The following IFNGR1 variants were observed in gnomAD, a reference collection of about 807,000 sequenced individuals.
The protein encoded by IFNGR1 is AVP, type 2.
In IFNGR1, 23 loss-of-function variants were observed where a neutral mutation model predicts 35.4. The ratio of observed to expected loss-of-function variants is 0.65; its 90% CI spans 0.47 to 0.92. The LOEUF is 0.92. Among genes scored for constraint, IFNGR1 ranks in the 40% least tolerant of loss-of-function variants. IFNGR1 has a pLI of 0.00. For missense variants in IFNGR1, 533 were observed against 583.4 expected (o/e 0.91, Z 0.89); for synonymous variants, 199 against 209.5 (o/e 0.95, Z 0.43).
chr6:137,199,333 TATATA>T (rs929407556), intron 6 of IFNGR1, among the ~76,000 whole-genome samples: 5 of 129,332 alleles, frequency 3.9e-5, no homozygotes, highest in African/African-American at 9.1e-5. Flanking sequence ...TAATTTATAA[TATATA>T]ATATATAATT....
chr6:137,212,471 T>C (rs754292266), intron 1 of IFNGR1, among the ~76,000 whole-genome samples: 1 of 152,204 alleles, frequency 6.6e-6, no homozygotes, highest in Non-Finnish European at 1.5e-5. Flanking sequence ...TTGGTCAGGC[T>C]GGTCTCAAAC....
intron 1 of IFNGR1, among the ~76,000 whole-genome samples, chr6:137,207,376 T>G (rs1779462842): frequency 6.6e-6 from 1 of 152,204 alleles, no homozygotes; most frequent in South Asian, 2.1e-4. Context: ...TATAATCAAA[T>G]GCACTGATTA....
chr6:137,217,072 G>A (rs1779718372), intron 1 of IFNGR1, among the ~76,000 whole-genome samples: 1 of 152,178 alleles, frequency 6.6e-6, no homozygotes, highest in East Asian at 1.9e-4. Context: ...TTGCTTTAAC[G>A]CTATGCCTGC....
At position 137,199,430 on chromosome 6, in the gene IFNGR1, T is replaced by C. The variant is rs188998960; in HGVS notation, c.862-791A>G. On this transcript the variant is annotated intron_variant, in intron 6 of 6. Transcript: ENST00000367739. ...TATAATATATTATATAAACATATAA[T>C]TTATAATATAATATATAAAATATAT... Among the ~76,000 whole-genome samples, 1,589 of 112,824 alleles carry C rather than the reference T, an allele frequency of 0.014. 188 individuals carry two copies. In the South Asian group the frequency reaches 0.26, roughly 18 times the overall value. 74.0% of individuals were successfully genotyped at this position (112,824 alleles called of 152,430 possible).
At chr6:137,213,878 C>T (rs540457187) in intron 1 of IFNGR1, among the ~76,000 whole-genome samples, 3 of 152,216 alleles carry the variant, frequency 2.0e-5, no homozygotes, top group South Asian at 2.1e-4. Flanking sequence ...AAGGACAGCC[C>T]GAGGAGTTCA....
chr6:137,211,531 G>A (rs930005941), intron 1 of IFNGR1, among the ~76,000 whole-genome samples: 1 of 152,198 alleles, frequency 6.6e-6, no homozygotes, highest in Admixed American at 6.5e-5. Flanking sequence ...CAGACACCTA[G>A]GTTTTCTCCT....
At position 137,218,336 on chromosome 6, in the gene IFNGR1, T is replaced by C. The variant is rs1188641776; in HGVS notation, c.85+907A>G. The C allele has an allele frequency of 1.3e-5, 6 of 459,712 alleles. No homozygotes were observed. The East Asian group carries it at 3.5e-4, about 27-fold the overall frequency. 28.5% of individuals were successfully genotyped at this position (459,712 alleles called of 1,614,324 possible). A position where few individuals can be genotyped will look rare whatever the true frequency, so the allele number is the denominator to read the frequency against. On this transcript the variant is annotated intron_variant, in intron 1 of 6. Coordinates refer to ENST00000367739, the MANE Select transcript of IFNGR1 (RefSeq NM_000416.3). Reference sequence around the variant, plus strand: ...TTACTGTTTTCTCTGGAGCTCGTAATCACAATTACTCTGCACTTCAGAAAA... The same window carrying C: ...TTACTGTTTTCTCTGGAGCTCGTAACCACAATTACTCTGCACTTCAGAAAA...
rs201031483 is a variant in IFNGR1, at chr6:137,197,844, G to T, written c.*187C>A. The stretch of plus-strand genomic sequence containing the variant: ...TTTTTTTGTTTAAAAAAAAAAAAAA[G>T]TCTGTACTTTACAAGCCAAAAGTGA... On this transcript the variant is annotated 3_prime_UTR_variant, in exon 7 of 7. Coordinates refer to ENST00000367739, the MANE Select transcript of IFNGR1 (RefSeq NM_000416.3). The T allele has an allele frequency of 9.8e-6, 6 of 611,412 alleles. No homozygotes were observed. The highest frequency in any genetic ancestry group is 3.2e-5 in the East Asian group (1 of 30,820). 37.9% of individuals were successfully genotyped at this position (611,412 alleles called of 1,614,324 possible). A position where few individuals can be genotyped will look rare whatever the true frequency, so the allele number is the denominator to read the frequency against.
At chr6:137,205,043 A>G (rs1779398068) in intron 3 of IFNGR1, among the ~76,000 whole-genome samples, 1 of 152,198 alleles carries the variant, frequency 6.6e-6, no homozygotes, top group Non-Finnish European at 1.5e-5. Context: ...ACTGTGTGCC[A>G]GGCAGGTCTG....
At chr6:137,208,269 C>G (rs1299169115) in intron 1 of IFNGR1, among the ~76,000 whole-genome samples, 2 of 152,154 alleles carry the variant, frequency 1.3e-5, no homozygotes, top group Non-Finnish European at 2.9e-5. Context: ...AAATTTGCAG[C>G]CTGACTATGA....
chr6:137,216,210 G>C (rs568443407), intron 1 of IFNGR1, among the ~76,000 whole-genome samples: 7 of 152,314 alleles, frequency 4.6e-5, no homozygotes, highest in African/African-American at 1.7e-4. Flanking sequence ...TTATCCTAAA[G>C]TCAGATAATT....
intron 5 of IFNGR1, among the ~76,000 whole-genome samples, chr6:137,202,602 T>TACACACACACACAC (rs3839519): frequency 2.1e-4 from 30 of 142,196 alleles, no homozygotes; most frequent in Non-Finnish European, 3.5e-4. Flanking sequence ...AATATATGTA[T>TACACACACACACAC]ACACACACAC....
chr6:137,204,312 G>C lies in IFNGR1; in HGVS notation c.546+20C>G, dbSNP rs373567920. On this transcript the variant is annotated intron_variant, in intron 4 of 6. Transcript: ENST00000367739. The stretch of plus-strand genomic sequence containing the variant: ...CTAGCTACACAAGAATTTCCATTAT[G>C]AAAAATGTGAAACACATACCTCACT... 1.0e-5 allele frequency: 16 copies of C among 1,606,082 alleles called. No homozygotes were observed. In the African/African-American group the frequency reaches 2.0e-4, roughly 20 times the overall value.
In IFNGR1 at chr6:137,198,023, A is replaced by T. The variant is rs116884638; in HGVS notation, c.*8T>A. On this transcript the variant is annotated 3_prime_UTR_variant, in exon 7 of 7. Coordinates refer to ENST00000367739, the MANE Select transcript of IFNGR1 (RefSeq NM_000416.3). Reference sequence around the variant, plus strand: ...TCAGACTTCAAAGTTGGTGCAACTTAGCTGATCTCATGAAAATTCTTTGGA... The same window carrying T: ...TCAGACTTCAAAGTTGGTGCAACTTTGCTGATCTCATGAAAATTCTTTGGA... 6.2e-7 allele frequency: 1 copy of T among 1,613,978 alleles called. No individual in the cohort carries two copies.
In IFNGR1 at chr6:137,216,582, G is replaced by A. The variant is rs150019517; in HGVS notation, c.85+2661C>T. 1.5e-3 allele frequency among the ~76,000 whole-genome samples: 232 copies of A among 152,208 alleles called. 1 individual carries two copies. Among genetic ancestry groups the A allele is most frequent in the African/African-American group, 5.3e-3 (221 of 41,532 alleles). ...CTTACCAGGTCCTCTCATCTAAGAT[G>A]AACTTCAACTATAGAGTCAAGCCCA... On this transcript the variant is annotated intron_variant, in intron 1 of 6. Transcript: ENST00000367739.
At chr6:137,212,701 T>C (rs1779605461) in intron 1 of IFNGR1, among the ~76,000 whole-genome samples, 2 of 152,234 alleles carry the variant, frequency 1.3e-5, no homozygotes, top group African/African-American at 4.8e-5. Flanking sequence ...AGGAAGGGGC[T>C]ACTGAATCAC....
At chr6:137,214,737 A>T (rs1779651625) in intron 1 of IFNGR1, among the ~76,000 whole-genome samples, 2 of 152,212 alleles carry the variant, frequency 1.3e-5, no homozygotes, top group African/African-American at 4.8e-5. Flanking sequence ...GAGAGAAGTC[A>T]TTTCTCAACA....
At position 137,208,907 on chromosome 6, in the gene IFNGR1, T is replaced by C. The variant is rs150668694; in HGVS notation, c.86-1830A>G. On this transcript the variant is annotated intron_variant, in intron 1 of 6. Transcript: ENST00000367739. ...AACTTCTGGAAAAGCTGCAGACATT[T>C]GATGGCAGCCTGTGAAAGCAGCTGA... Among the ~76,000 whole-genome samples the C allele has an allele frequency of 2.2e-3, 330 of 152,270 alleles. 2 individuals carry two copies. The highest frequency in any genetic ancestry group is 7.0e-3 in the African/African-American group (291 of 41,548).
rs1779142489 is a variant in IFNGR1, at chr6:137,198,238, T to G, written c.1263A>C (p.Ser421=). 8 of 1,613,876 alleles carry G rather than the reference T, an allele frequency of 5.0e-6. No homozygotes were observed. The highest frequency in any genetic ancestry group is 6.8e-6 in the Non-Finnish European group (8 of 1,180,008). The change falls in exon 7 of 7, where the codon TCA becomes TCC. Residue 421 remains serine, a synonymous_variant. Transcript: ENST00000367739. Reference sequence around the variant, plus strand: ...ATTCTGAGTCAGATAAGGAGCTATGTGATTCCAGACAGCTGGAATCAGTAT... The same window carrying G: ...ATTCTGAGTCAGATAAGGAGCTATGGGATTCCAGACAGCTGGAATCAGTAT... ...GFDTDSSCLE[S]HSSLSDSEFP...
Sources: gnomAD v4.1 joint callset for allele counts (sites outside exome capture counted in the v4.1 genomes callset) on GRCh38, gnomAD v4.1.1 for gene constraint, MANE v1.5 for transcripts, NCBI Gene and HGNC (gene_info 2026-07-23, HGNC 2026-07-21) for gene names.